The following LRMDA variants were observed in gnomAD, a reference collection of about 807,000 sequenced individuals.
LRMDA encodes the protein leucine rich melanocyte differentiation associated.
A neutral mutation model predicts 29.8 loss-of-function variants in LRMDA; 18 were observed. That is an observed-to-expected ratio of 0.60 (90% CI 0.42 to 0.90). The LOEUF (loss-of-function observed/expected upper bound fraction) is 0.90. Ranked by LOEUF, LRMDA falls within the 40% of genes least tolerant of loss-of-function variation. LRMDA has a pLI of 0.00. For synonymous variants in LRMDA, 125 were observed against 109.4 expected, an observed-to-expected ratio of 1.14 and a Z score of -0.89; for missense variants, 273 against 273.9, an observed-to-expected ratio of 1.00 and a Z score of 0.02.
intron 2 of LRMDA, among the ~76,000 whole-genome samples, chr10:75,845,633 T>A (rs569564990): frequency 3.3e-5 from 5 of 152,262 alleles, no homozygotes; most frequent in Admixed American, 3.3e-4. Context: ...CTGTGACCAT[T>A]TTAGCCAGGA....
intron 2 of LRMDA, among the ~76,000 whole-genome samples, chr10:76,009,462 A>T (rs1259442484): frequency 2.0e-5 from 3 of 152,184 alleles, no homozygotes; most frequent in African/African-American, 7.2e-5. Flanking sequence ...GGGGGCCCCT[A>T]AAAAAGAAGT....
At chr10:76,278,662 C>T (rs1291476272) in intron 5 of LRMDA, among the ~76,000 whole-genome samples, 1 of 152,190 alleles carries the variant, frequency 6.6e-6, no homozygotes, top group African/African-American at 2.4e-5. Context: ...TGTTCATTGT[C>T]TCTGTAATAA....
At chr10:76,477,953 A>G (rs1028348304) in intron 6 of LRMDA, among the ~76,000 whole-genome samples, 4 of 152,176 alleles carry the variant, frequency 2.6e-5, no homozygotes, top group Admixed American at 6.5e-5. Context: ...AAAACCCTAG[A>G]AGAAAACCTA....
chr10:76,463,745 G>C, intron 6 of LRMDA, among the ~76,000 whole-genome samples: 1 of 151,946 alleles, frequency 6.6e-6, no homozygotes, highest in Non-Finnish European at 1.5e-5. Context: ...TCTCTTCATA[G>C]CCTTGGTCAT....
At chr10:75,556,642 G>T (rs961869850) in intron 2 of LRMDA, among the ~76,000 whole-genome samples, 1 of 151,878 alleles carries the variant, frequency 6.6e-6, no homozygotes, top group African/African-American at 2.4e-5. Flanking sequence ...TGGCTATTTA[G>T]CCCCTGAACT....
intron 2 of LRMDA, among the ~76,000 whole-genome samples, chr10:75,696,589 AGAGTATAATAATT>A (rs1188386411): frequency 6.6e-5 from 10 of 152,248 alleles, no homozygotes; most frequent in South Asian, 4.1e-4. Flanking sequence ...TGATGACTGA[AGAGTATAATAATT>A]GAGTATAATA....
chr10:76,338,905 A>G (rs1362761859), intron 6 of LRMDA, among the ~76,000 whole-genome samples: 3 of 152,174 alleles, frequency 2.0e-5, no homozygotes, highest in Admixed American at 6.5e-5. Context: ...ATAACTATGA[A>G]GATATAATGG....
intron 2 of LRMDA, among the ~76,000 whole-genome samples, chr10:75,645,634 G>T (rs1185104194): frequency 6.6e-6 from 1 of 152,108 alleles, no homozygotes; most frequent in East Asian, 1.9e-4. Flanking sequence ...GAGTCCTGGT[G>T]GGGGAAACTT....
At chr10:75,681,169 T>C (rs936722810) in intron 2 of LRMDA, among the ~76,000 whole-genome samples, 6 of 152,222 alleles carry the variant, frequency 3.9e-5, no homozygotes, top group African/African-American at 1.4e-4. Flanking sequence ...GATCAACTTA[T>C]TTTGTGTTAA....
chr10:75,736,608 C>T (rs551569092), intron 2 of LRMDA, among the ~76,000 whole-genome samples: 1 of 152,154 alleles, frequency 6.6e-6, no homozygotes, highest in Non-Finnish European at 1.5e-5. Context: ...ATTAGAACCT[C>T]TTGCCAGACT....
At chr10:75,441,259 A>G (rs1403505719) in intron 2 of LRMDA, among the ~76,000 whole-genome samples, 8 of 152,206 alleles carry the variant, frequency 5.3e-5, no homozygotes, top group Middle Eastern at 3.4e-3. Flanking sequence ...GCCCCTCACT[A>G]TATCCGTGGG....
chr10:75,451,025 G>A (rs2132031322), intron 2 of LRMDA: 1 of 152,370 alleles, frequency 6.6e-6, no homozygotes, highest in East Asian at 1.9e-4. Context: ...AGAGATGATG[G>A]TTGTAAGGTG....
chr10:75,902,059 T>C (rs1449946771), intron 2 of LRMDA, among the ~76,000 whole-genome samples: 1 of 152,126 alleles, frequency 6.6e-6, no homozygotes, highest in African/African-American at 2.4e-5. Flanking sequence ...CCTTGCTCAA[T>C]GCTCCCTTCT....
intron 2 of LRMDA, among the ~76,000 whole-genome samples, chr10:76,007,451 C>T (rs2132475778): frequency 6.6e-6 from 1 of 152,272 alleles, no homozygotes. Flanking sequence ...CATAATTGAT[C>T]TTGCTTATTC....
intron 6 of LRMDA, among the ~76,000 whole-genome samples, chr10:76,472,329 TAAAG>T (rs1032990228): frequency 6.6e-6 from 1 of 151,548 alleles, no homozygotes; most frequent in African/African-American, 2.4e-5. Flanking sequence ...GAAGAAGCAA[TAAAG>T]AAAGTTGAAA....
chr10:76,260,540 G>A (rs74990699), intron 5 of LRMDA, among the ~76,000 whole-genome samples: 2,153 of 151,952 alleles, frequency 0.014, 34 homozygotes, highest in African/African-American at 0.046. Flanking sequence ...AGGTTTCTGC[G>A]GAGAAACCCA....
chr10:75,814,001 T>C (rs764438966), intron 2 of LRMDA, among the ~76,000 whole-genome samples: 2 of 152,254 alleles, frequency 1.3e-5, no homozygotes, highest in Non-Finnish European at 2.9e-5. Flanking sequence ...TTGGAAAGCA[T>C]TGTAATTCTT....
At chr10:76,346,962 T>A (rs770444956) in intron 6 of LRMDA, among the ~76,000 whole-genome samples, 1 of 152,240 alleles carries the variant, frequency 6.6e-6, no homozygotes, top group Non-Finnish European at 1.5e-5. Context: ...TCTGGCTTTT[T>A]TGAATGTTTT....
At chr10:76,294,003 G>A (rs1405614508) in intron 5 of LRMDA, among the ~76,000 whole-genome samples, 1 of 152,178 alleles carries the variant, frequency 6.6e-6, no homozygotes, top group Non-Finnish European at 1.5e-5. Context: ...TTTTAATAAT[G>A]CTTTCTTGAA....
Sources: allele counts gnomAD v4.1 joint callset (sites outside exome capture counted in the v4.1 genomes callset), GRCh38; gene constraint gnomAD v4.1.1; transcripts MANE v1.5; gene names NCBI Gene and HGNC (gene_info 2026-07-23, HGNC 2026-07-21).